Variants in REDIC1 observed in about 807,000 individuals in gnomAD.
REDIC1 encodes the protein regulator of DNA class I crossover intermediates 1, also known as HEI10 Interacting Protein 1.
chr12:39,712,681 G>T, the REDIC1 span, among the ~76,000 whole-genome samples: 2 of 133,232 alleles, frequency 1.5e-5, no homozygotes, highest in Non-Finnish European at 3.2e-5. Flanking sequence ...GTGTATATAT[G>T]TATATATACG....
At chr12:39,818,103 G>A in the REDIC1 span, among the ~76,000 whole-genome samples, 1 of 152,062 alleles carries the variant, frequency 6.6e-6, no homozygotes, top group Non-Finnish European at 1.5e-5. Flanking sequence ...AGCCCCCTTG[G>A]GCCACTCCTC....
the REDIC1 span, among the ~76,000 whole-genome samples, chr12:39,637,990 A>G: frequency 6.6e-6 from 1 of 152,026 alleles, no homozygotes; most frequent in Non-Finnish European, 1.5e-5. Flanking sequence ...TCTTTGGCAT[A>G]CCAGTATCTG....
At chr12:39,859,981 C>G in the REDIC1 span, among the ~76,000 whole-genome samples, 3 of 152,082 alleles carry the variant, frequency 2.0e-5, no homozygotes, top group African/African-American at 7.2e-5. Context: ...CCTAATTGTA[C>G]AAGTCATCTT....
the REDIC1 span, chr12:39,788,764 G>A: frequency 6.6e-6 from 1 of 152,010 alleles, no homozygotes; most frequent in South Asian, 2.1e-4. Context: ...TATTTTGATA[G>A]GCACAATTAA....
the REDIC1 span, among the ~76,000 whole-genome samples, chr12:39,879,362 A>C: frequency 6.6e-6 from 1 of 152,084 alleles, no homozygotes; most frequent in Non-Finnish European, 1.5e-5. Context: ...GGCAGCTTGC[A>C]CCCTGCGTCT....
the REDIC1 span, among the ~76,000 whole-genome samples, chr12:39,827,146 G>A: frequency 6.6e-6 from 1 of 151,594 alleles, no homozygotes; most frequent in Non-Finnish European, 1.5e-5. Context: ...TTCCTAACAT[G>A]CCTCTATGGA....
chr12:39,833,892 T>TAA, the REDIC1 span, among the ~76,000 whole-genome samples: 68 of 88,314 alleles, frequency 7.7e-4, no homozygotes, highest in East Asian at 2.4e-3. Context: ...AGCATGGTCA[T>TAA]AAAAAAAAAA....
the REDIC1 span, among the ~76,000 whole-genome samples, chr12:39,642,409 G>T: frequency 6.6e-6 from 1 of 151,488 alleles, no homozygotes; most frequent in Non-Finnish European, 1.5e-5. Flanking sequence ...TTCCAAAGAA[G>T]TCTTCCATGT....
the REDIC1 span, chr12:39,626,227 C>A: frequency 8.1e-7 from 1 of 1,227,696 alleles, no homozygotes; most frequent in Non-Finnish European, 1.2e-6. Context: ...TACTCGGGCC[C>A]TGACGTTGTC....
At chr12:39,785,631 G>A in the REDIC1 span, among the ~76,000 whole-genome samples, 268 of 152,210 alleles carry the variant, frequency 1.8e-3, 1 homozygote, top group African/African-American at 5.9e-3. Context: ...TAGATCCACC[G>A]ACAGCTTGCA....
At chr12:39,710,921 T>G in the REDIC1 span, among the ~76,000 whole-genome samples, 1 of 151,510 alleles carries the variant, frequency 6.6e-6, no homozygotes, top group Non-Finnish European at 1.5e-5. Flanking sequence ...CACAAGTTAT[T>G]GGGGTAAAGG....
the REDIC1 span, among the ~76,000 whole-genome samples, chr12:39,769,547 G>A: frequency 6.8e-6 from 1 of 146,256 alleles, no homozygotes; most frequent in Admixed American, 6.8e-5. Context: ...ACATTGTAGG[G>A]TGTAGGCTTC....
the REDIC1 span, among the ~76,000 whole-genome samples, chr12:39,841,179 G>C: frequency 6.6e-6 from 1 of 152,112 alleles, no homozygotes; most frequent in African/African-American, 2.4e-5. Context: ...CTGTTTAAAA[G>C]CAACCAGGCT....
chr12:39,712,918 T>C, the REDIC1 span, among the ~76,000 whole-genome samples: 2 of 147,578 alleles, frequency 1.4e-5, no homozygotes, highest in Non-Finnish European at 3.0e-5. Flanking sequence ...CGTATATACA[T>C]ATGTGCATAT....
chr12:39,881,158 T>C, the REDIC1 span, among the ~76,000 whole-genome samples: 3 of 152,050 alleles, frequency 2.0e-5, no homozygotes, highest in African/African-American at 4.8e-5. Context: ...CCAATAAAGG[T>C]TGAGTTATTT....
the REDIC1 span, among the ~76,000 whole-genome samples, chr12:39,895,551 T>TATATATACAC: frequency 2.1e-4 from 14 of 66,776 alleles, 1 homozygote; most frequent in African/African-American, 8.8e-4. Flanking sequence ...TATATATATA[T>TATATATACAC]ACACACACAC....
chr12:39,639,039 G>A, the REDIC1 span, among the ~76,000 whole-genome samples: 11 of 152,048 alleles, frequency 7.2e-5, no homozygotes, highest in South Asian at 2.1e-4. Context: ...TCTGGATTGC[G>A]TAATATTGCC....
chr12:39,672,042 G>A, the REDIC1 span, among the ~76,000 whole-genome samples: 2 of 152,124 alleles, frequency 1.3e-5, no homozygotes, highest in Non-Finnish European at 2.9e-5. Context: ...ATGGTGGGTG[G>A]GGCAGGACAA....
At chr12:39,838,489 A>T in the REDIC1 span, among the ~76,000 whole-genome samples, 1 of 121,504 alleles carries the variant, frequency 8.2e-6, no homozygotes, top group East Asian at 2.5e-4. Flanking sequence ...CTTAAAGTAT[A>T]ATAAAAAAAA....
Sources: gnomAD v4.1 joint callset for allele counts (sites outside exome capture counted in the v4.1 genomes callset) on GRCh38, gnomAD v4.1.1 for gene constraint, MANE v1.5 for transcripts, NCBI Gene and HGNC (gene_info 2026-07-23, HGNC 2026-07-21) for gene names.